The following ROR2 variants were observed in gnomAD, a reference collection of about 807,000 sequenced individuals.
The protein encoded by ROR2 is ROR family WNT receptor 2, also known as tyrosine-protein kinase transmembrane receptor ROR2.
Under a neutral mutation model 74.9 loss-of-function variants are expected in ROR2, and 33 were observed. That is an observed-to-expected ratio of 0.44 (90% CI 0.33 to 0.59). The LOEUF (loss-of-function observed/expected upper bound fraction) is 0.59, where lower values mean the gene tolerates loss of function less well. ROR2 is among the 20% of genes least tolerant of loss of function. ROR2 has a pLI of 0.02. For synonymous variants in ROR2, 586 were observed against 558.7 expected (o/e 1.05, Z -0.69); for missense variants, 1,216 against 1,313.8 (o/e 0.93, Z 1.15).
rs758244691 is a variant in ROR2, at chr9:91,723,928, C to T, written c.2566G>A (p.Val856Ile). ...MAPQQVPPQM[V>I]PKPSSHHSGS... is the part of the protein sequence containing the mutation. The stretch of plus-strand genomic sequence containing the variant: ...CTGTGGTGTGAGCTGGGCTTGGGGA[C>T]CATCTGAGGAGGCACCTGCTGCGGG... Residue 856 changes from valine to isoleucine, a missense_variant, in exon 9 of 9, where the codon GTC becomes ATC. Val to Ile is a conservative substitution (Grantham distance 29). Transcript: ENST00000375708. The T allele has an allele frequency of 1.9e-6, 3 of 1,613,710 alleles. No individual in the cohort carries two copies. The African/African-American group carries it at 4.0e-5, about 22-fold the overall frequency.
intron 1 of ROR2, among the ~76,000 whole-genome samples, chr9:91,795,828 A>C (rs1827149057): frequency 6.6e-6 from 1 of 152,208 alleles, no homozygotes; most frequent in South Asian, 2.1e-4. Context: ...CAAATAGCAC[A>C]CAGGAACCTC....
intron 1 of ROR2, among the ~76,000 whole-genome samples, chr9:91,791,391 T>C (rs1826971763): frequency 6.6e-6 from 1 of 152,234 alleles, no homozygotes; most frequent in Non-Finnish European, 1.5e-5. Context: ...GTAAATACAC[T>C]CTATGATGCT....
chr9:91,852,811 TC>T, intron 1 of ROR2, among the ~76,000 whole-genome samples: 1 of 152,280 alleles, frequency 6.6e-6, no homozygotes, highest in East Asian at 1.9e-4. Flanking sequence ...CTTGGGGGAT[TC>T]CCCTTCTGAA....
At chr9:91,777,867 A>AG (rs1826472406) in intron 1 of ROR2, among the ~76,000 whole-genome samples, 1 of 152,228 alleles carries the variant, frequency 6.6e-6, no homozygotes, top group Non-Finnish European at 1.5e-5. Context: ...AGTAGCAAAA[A>AG]GAAAAAAAAA....
chr9:91,825,126 G>A (rs528441980), intron 1 of ROR2, among the ~76,000 whole-genome samples: 1 of 152,172 alleles, frequency 6.6e-6, no homozygotes, highest in Non-Finnish European at 1.5e-5. Context: ...TGTTTCCACC[G>A]CTGGCAGCAT....
At chr9:91,922,613 C>T (rs1831301244) in intron 1 of ROR2, among the ~76,000 whole-genome samples, 1 of 152,034 alleles carries the variant, frequency 6.6e-6, no homozygotes, top group African/African-American at 2.4e-5. Flanking sequence ...ACCACCATGC[C>T]CGGCTAATTT....
At chr9:91,803,092 G>T (rs533064587) in intron 1 of ROR2, among the ~76,000 whole-genome samples, 3 of 152,284 alleles carry the variant, frequency 2.0e-5, no homozygotes, top group South Asian at 2.1e-4. Flanking sequence ...GCTGGTGGGG[G>T]TGCAAAATGG....
At chr9:91,924,423 C>T (rs1451514957) in intron 1 of ROR2, among the ~76,000 whole-genome samples, 1 of 152,240 alleles carries the variant, frequency 6.6e-6, no homozygotes, top group African/African-American at 2.4e-5. Flanking sequence ...GTCCCAGGCC[C>T]TCTATGGGAA....
chr9:91,841,841 C>T (rs538233664), intron 1 of ROR2, among the ~76,000 whole-genome samples: 14 of 152,346 alleles, frequency 9.2e-5, no homozygotes, highest in Admixed American at 8.5e-4. Flanking sequence ...TTAATGGCAC[C>T]TCAACTGCCA....
In ROR2 at chr9:91,898,943, G is replaced by A. The variant is rs116393229; in HGVS notation, c.97+50924C>T. ...AGAAGCCTCAGACACCCGATGCCAC[G>A]TGGCCTGAGCATCTTCTTGGTCTTC... On this transcript the variant is annotated intron_variant, in intron 1 of 8. Coordinates refer to ENST00000375708, the MANE Select transcript of ROR2 (RefSeq NM_004560.4). 4.7e-3 allele frequency among the ~76,000 whole-genome samples: 711 copies of A among 152,298 alleles called. 5 individuals are homozygous for A. The highest frequency in any genetic ancestry group is 0.016 in the African/African-American group (659 of 41,562).
intron 1 of ROR2, among the ~76,000 whole-genome samples, chr9:91,925,877 T>G (rs1407392741): frequency 6.6e-6 from 1 of 152,222 alleles, no homozygotes; most frequent in Non-Finnish European, 1.5e-5. Context: ...GGTTTCCTCC[T>G]GGTGAGAAAC....
At chr9:91,736,135 G>A (rs1315121448) in intron 5 of ROR2, among the ~76,000 whole-genome samples, 1 of 152,174 alleles carries the variant, frequency 6.6e-6, no homozygotes, top group African/African-American at 2.4e-5. Context: ...TTTGCAGTGA[G>A]AGGTAGCCAT....
intron 1 of ROR2, among the ~76,000 whole-genome samples, chr9:91,867,758 C>T (rs184167006): frequency 2.6e-5 from 4 of 151,110 alleles, no homozygotes; most frequent in Admixed American, 6.6e-5. Flanking sequence ...CCACCCCCGT[C>T]CCAGTCTGGC....
At chr9:91,918,022 A>T (rs1308045225) in intron 1 of ROR2, among the ~76,000 whole-genome samples, 1 of 152,108 alleles carries the variant, frequency 6.6e-6, no homozygotes, top group Non-Finnish European at 1.5e-5. Context: ...CTGTAATCCC[A>T]GCACTTTGGG....
At chr9:91,881,971 G>C (rs1346181961) in intron 1 of ROR2, among the ~76,000 whole-genome samples, 1 of 152,212 alleles carries the variant, frequency 6.6e-6, no homozygotes, top group East Asian at 1.9e-4. Flanking sequence ...ATCTAGCTGG[G>C]CAAATGGAGT....
chr9:91,805,578 C>T (rs1827518775), intron 1 of ROR2, among the ~76,000 whole-genome samples: 1 of 152,214 alleles, frequency 6.6e-6, no homozygotes, highest in Non-Finnish European at 1.5e-5. Context: ...ATCTAAATCA[C>T]ACTCACCAAC....
At chr9:91,843,076 GA>G (rs371021498) in intron 1 of ROR2, among the ~76,000 whole-genome samples, 8 of 151,972 alleles carry the variant, frequency 5.3e-5, no homozygotes, top group South Asian at 2.1e-4. Context: ...AAAAATGAGA[GA>G]AAAAAAACCC....
At chr9:91,820,319 T>C (rs2119144111) in intron 1 of ROR2, among the ~76,000 whole-genome samples, 1 of 152,160 alleles carries the variant, frequency 6.6e-6, no homozygotes, top group Non-Finnish European at 1.5e-5. Flanking sequence ...CAGGATGCCC[T>C]CTACAAGTCA....
chr9:91,851,449 T>G (rs561498427), intron 1 of ROR2, among the ~76,000 whole-genome samples: 1 of 152,300 alleles, frequency 6.6e-6, no homozygotes, highest in South Asian at 2.1e-4. Context: ...TTTGATCTAT[T>G]TGTCTATTTA....
Sources: allele counts gnomAD v4.1 joint callset (sites outside exome capture counted in the v4.1 genomes callset), GRCh38; gene constraint gnomAD v4.1.1; transcripts MANE v1.5; gene names NCBI Gene and HGNC (gene_info 2026-07-23, HGNC 2026-07-21).